The following MYO1D variants were observed in gnomAD, a reference collection of about 807,000 sequenced individuals.
MYO1D encodes unconventional myosin-Id.
In MYO1D, 83 loss-of-function variants were observed where a neutral mutation model predicts 122.0. That is an observed-to-expected ratio of 0.68 (90% CI 0.57 to 0.82). The LOEUF is 0.82. Ranked by LOEUF, MYO1D falls within the 40% of genes least tolerant of loss-of-function variation. The pLI, the probability that MYO1D is intolerant of heterozygous loss-of-function variation, is 0.00. For missense variants in MYO1D, 1,157 were observed against 1,269.5 expected (o/e 0.91, Z 1.35); for synonymous variants, 464 against 446.9 (o/e 1.04, Z -0.48).
At chr17:32,736,797 G>T (rs2089706775) in intron 14 of MYO1D, among the ~76,000 whole-genome samples, 2 of 152,194 alleles carry the variant, frequency 1.3e-5, no homozygotes, top group South Asian at 2.1e-4. Flanking sequence ...TGTTTCTTGT[G>T]TCCTGTGTCT....
chr17:32,592,433 G>A (rs1427053699), intron 21 of MYO1D, among the ~76,000 whole-genome samples: 1 of 152,196 alleles, frequency 6.6e-6, no homozygotes, highest in Non-Finnish European at 1.5e-5. Context: ...CAATGTTGTT[G>A]TGTAGAGTTA....
At chr17:32,835,164 GT>G (rs779434725) in intron 1 of MYO1D, among the ~76,000 whole-genome samples, 263 of 140,558 alleles carry the variant, frequency 1.9e-3, no homozygotes, top group African/African-American at 2.2e-3. Context: ...TTCTTTTGGG[GT>G]TTTTTTTTTT....
intron 21 of MYO1D, among the ~76,000 whole-genome samples, chr17:32,552,422 AT>A: frequency 1.6e-5 from 2 of 124,850 alleles, no homozygotes; most frequent in African/African-American, 7.5e-5. Flanking sequence ...CCATCCACCC[AT>A]CCATCCATCC....
intron 21 of MYO1D, among the ~76,000 whole-genome samples, chr17:32,599,589 C>T (rs2087537830): frequency 6.6e-6 from 1 of 152,192 alleles, no homozygotes. Flanking sequence ...TTTCAGTTTA[C>T]TTTGCCCAGA....
At chr17:32,502,213 T>C (rs1254949575) in intron 21 of MYO1D, among the ~76,000 whole-genome samples, 1 of 152,190 alleles carries the variant, frequency 6.6e-6, no homozygotes, top group Non-Finnish European at 1.5e-5. Flanking sequence ...CAATGAAATA[T>C]TATTGAGCAA....
At chr17:32,866,095 T>C (rs977203815) in intron 1 of MYO1D, among the ~76,000 whole-genome samples, 74 of 152,164 alleles carry the variant, frequency 4.9e-4, no homozygotes, top group African/African-American at 1.6e-3. Flanking sequence ...GGCGTGACCA[T>C]AGTGTCAAAC....
chr17:32,546,823 G>C (rs563668839), intron 21 of MYO1D, among the ~76,000 whole-genome samples: 4 of 152,204 alleles, frequency 2.6e-5, no homozygotes, highest in Admixed American at 2.0e-4. Context: ...GCACCTCAAA[G>C]TGATGTTTGC....
intron 16 of MYO1D, among the ~76,000 whole-genome samples, chr17:32,674,284 A>G (rs2088771421): frequency 6.6e-6 from 1 of 152,220 alleles, no homozygotes; most frequent in Non-Finnish European, 1.5e-5. Flanking sequence ...TGAGGATGCA[A>G]CATTAGATGA....
At chr17:32,821,879 T>G (rs2090668684) in intron 1 of MYO1D, among the ~76,000 whole-genome samples, 1 of 152,116 alleles carries the variant, frequency 6.6e-6, no homozygotes, top group Non-Finnish European at 1.5e-5. Flanking sequence ...AAACAATAGG[T>G]GCTGGAGAGG....
intron 21 of MYO1D, among the ~76,000 whole-genome samples, chr17:32,566,543 G>C (rs1417225393): frequency 1.3e-5 from 2 of 152,040 alleles, no homozygotes; most frequent in African/African-American, 4.8e-5. Flanking sequence ...ACATCGTGTA[G>C]GCTGTGGGAG....
At chr17:32,745,926 G>A (rs939688334) in intron 12 of MYO1D, among the ~76,000 whole-genome samples, 2 of 152,196 alleles carry the variant, frequency 1.3e-5, no homozygotes, top group Non-Finnish European at 2.9e-5. Flanking sequence ...TGACTGGCAT[G>A]GACTCTAGGA....
intron 1 of MYO1D, among the ~76,000 whole-genome samples, chr17:32,806,991 T>C (rs1384524175): frequency 6.6e-6 from 1 of 152,236 alleles, no homozygotes; most frequent in African/African-American, 2.4e-5. Context: ...TTGGCAATTC[T>C]CTTTGGTCTA....
intron 14 of MYO1D, among the ~76,000 whole-genome samples, chr17:32,722,484 CA>C (rs2089523944): frequency 6.6e-6 from 1 of 152,208 alleles, no homozygotes; most frequent in South Asian, 2.1e-4. Context: ...CTTCCATCTT[CA>C]AAGCCAGCAA....
chr17:32,528,648 C>T (rs921761202), intron 21 of MYO1D, among the ~76,000 whole-genome samples: 1 of 152,070 alleles, frequency 6.6e-6, no homozygotes, highest in Non-Finnish European at 1.5e-5. Context: ...CTGGATTATC[C>T]AGGTGGACCC....
At chr17:32,773,074 C>G (rs926500870) in intron 4 of MYO1D, among the ~76,000 whole-genome samples, 1 of 152,198 alleles carries the variant, frequency 6.6e-6, no homozygotes, top group Non-Finnish European at 1.5e-5. Context: ...GGAGATCAAT[C>G]CCCTGTCCTC....
At chr17:32,671,297 C>T (rs2088717485) in intron 16 of MYO1D, among the ~76,000 whole-genome samples, 1 of 152,200 alleles carries the variant, frequency 6.6e-6, no homozygotes, top group African/African-American at 2.4e-5. Context: ...AGATCCCATA[C>T]TCGCTCGCCC....
intron 1 of MYO1D, among the ~76,000 whole-genome samples, chr17:32,796,642 A>T (rs1382904920): frequency 1.3e-4 from 20 of 152,162 alleles, no homozygotes; most frequent in Non-Finnish European, 2.9e-4. Context: ...TCGAACTCCT[A>T]AGCTCAAGCA....
At chr17:32,560,233 C>A (rs1055154905) in intron 21 of MYO1D, among the ~76,000 whole-genome samples, 1 of 151,588 alleles carries the variant, frequency 6.6e-6, no homozygotes, top group African/African-American at 2.4e-5. Flanking sequence ...GCAGCCTGGG[C>A]GACAGAATGA....
At chr17:32,760,714 AC>A in intron 8 of MYO1D, 87 bp from the exon 9 acceptor site, 2 of 1,350,128 alleles carry the variant, frequency 1.5e-6, no homozygotes, top group Non-Finnish European at 2.0e-6. Context: ...ATTCCTGTCC[AC>A]CTTCTCACTG....
Sources: gnomAD v4.1 joint callset for allele counts (sites outside exome capture counted in the v4.1 genomes callset) on GRCh38, gnomAD v4.1.1 for gene constraint, MANE v1.5 for transcripts, NCBI Gene and HGNC (gene_info 2026-07-23, HGNC 2026-07-21) for gene names.